Variants in TSPAN13 observed in about 807,000 individuals in gnomAD.
TSPAN13 encodes tetraspanin-13.
Under a neutral mutation model 26.9 loss-of-function variants are expected in TSPAN13, and 18 were observed. The ratio of observed to expected loss-of-function variants is 0.67; its 90% confidence interval spans 0.46 to 0.99. The LOEUF is 0.99. TSPAN13 is among the 50% of genes least tolerant of loss of function. TSPAN13 has a pLI of 0.00. For synonymous variants in TSPAN13, 116 were observed against 98.4 expected (o/e 1.18, Z -1.06); for missense variants, 201 against 249.6 (o/e 0.81, Z 1.31).
In TSPAN13 at chr7:16,753,841, C is replaced by A. The variant is rs1314587393; in HGVS notation, c.-127C>A. 1 of 1,011,054 alleles carries A rather than the reference C, an allele frequency of 9.9e-7. No homozygotes were observed. Among genetic ancestry groups the A allele is most frequent in the Non-Finnish European group, 1.5e-6 (1 of 665,156 alleles). The allele number at this position is 1,011,054 out of a possible 1,614,324, so 62.6% of individuals were successfully genotyped here. A position where few individuals can be genotyped will look rare whatever the true frequency, so the allele number is the denominator to read the frequency against. On this transcript the variant is annotated 5_prime_UTR_variant, in exon 1 of 6. Coordinates refer to ENST00000262067, the MANE Select transcript of TSPAN13 (RefSeq NM_014399.4). ...CGCGCACTGCAGCCCCAGGCCCCGGCCCCCCACCCACGTCTGCGTTGCTGC... is the reference window on the plus strand; with the variant it reads ...CGCGCACTGCAGCCCCAGGCCCCGGACCCCCACCCACGTCTGCGTTGCTGC...
At chr7:16,763,786 A>T (rs1784575505) in intron 1 of TSPAN13, among the ~76,000 whole-genome samples, 1 of 152,206 alleles carries the variant, frequency 6.6e-6, no homozygotes, top group Non-Finnish European at 1.5e-5. Context: ...CAGAGGGGCC[A>T]GTCATTAAGG....
At chr7:16,761,890 CCTT>C (rs572380698) in intron 1 of TSPAN13, among the ~76,000 whole-genome samples, 109 of 152,066 alleles carry the variant, frequency 7.2e-4, no homozygotes, top group Non-Finnish European at 1.3e-3. Context: ...TTGGTATAGT[CCTT>C]CTGTATCTTA....
chr7:16,768,215 G>A (rs1364448734), intron 1 of TSPAN13, among the ~76,000 whole-genome samples: 3 of 152,198 alleles, frequency 2.0e-5, no homozygotes, highest in Non-Finnish European at 4.4e-5. Flanking sequence ...CACCTGGCCT[G>A]TAGGCATTTT....
At chr7:16,759,740 G>A (rs1004797792) in intron 1 of TSPAN13, among the ~76,000 whole-genome samples, 5 of 142,020 alleles carry the variant, frequency 3.5e-5, no homozygotes, top group Admixed American at 2.3e-4. Flanking sequence ...GCTCTGTCAC[G>A]CAGTGGCGTG....
chr7:16,777,977 G>A (rs1317343495), intron 4 of TSPAN13, 66 bp downstream of exon 4: 1 of 1,151,372 alleles, frequency 8.7e-7, no homozygotes, highest in Non-Finnish European at 1.3e-6. Context: ...TAATGTGGAA[G>A]AAATGGACTT....
chr7:16,782,593 T>C (rs1388597634), intron 5 of TSPAN13, among the ~76,000 whole-genome samples: 2 of 152,216 alleles, frequency 1.3e-5, no homozygotes, highest in Non-Finnish European at 2.9e-5. Context: ...GCTAACAATT[T>C]AGCGAACTTG....
At chr7:16,769,610 A>ATT (rs1482375632) in intron 1 of TSPAN13, among the ~76,000 whole-genome samples, 1 of 151,940 alleles carries the variant, frequency 6.6e-6, no homozygotes, top group African/African-American at 2.4e-5. Flanking sequence ...CATGTTGTTG[A>ATT]TTTTTGTGTA....
At chr7:16,754,492 C>A (rs1214441388) in intron 1 of TSPAN13, among the ~76,000 whole-genome samples, 1 of 152,216 alleles carries the variant, frequency 6.6e-6, no homozygotes, top group Non-Finnish European at 1.5e-5. Context: ...GGCTGGTGTG[C>A]CTCTGGGTTA....
chr7:16,776,250 A>G lies in TSPAN13; in HGVS notation c.103A>G (p.Ile35Val), dbSNP rs778660384. The change falls in exon 2 of 6, where the codon ATT (isoleucine) becomes GTT (valine). Residue 35 changes from isoleucine to valine, a missense_variant. By Grantham distance (29) the Ile-to-Val change is conservative. Coordinates refer to ENST00000262067, the MANE Select transcript of TSPAN13 (RefSeq NM_014399.4). ...LLLIGIAAWG[I>V]GFGLISSLRV... The stretch of plus-strand genomic sequence containing the variant: ...GCTAATTGGAATTGCTGCGTGGGGC[A>G]TTGGCTTCGGGCTGATTTCCAGTCT... 3 of 1,613,474 alleles carry G rather than the reference A, an allele frequency of 1.9e-6. No individual in the cohort carries two copies. Among genetic ancestry groups the G allele is most frequent in the Non-Finnish European group, 2.5e-6 (3 of 1,179,838 alleles).
intron 1 of TSPAN13, among the ~76,000 whole-genome samples, chr7:16,769,104 G>A (rs547859394): frequency 2.6e-5 from 4 of 152,128 alleles, no homozygotes; most frequent in South Asian, 2.1e-4. Flanking sequence ...AGGATTACAC[G>A]CATGAGCCAC....
chr7:16,755,967 G>T lies in TSPAN13; in HGVS notation c.63+1937G>T, dbSNP rs185849569. Among the ~76,000 whole-genome samples, 414 of 152,208 alleles carry T rather than the reference G, an allele frequency of 2.7e-3. 2 individuals are homozygous for T. The highest frequency in any genetic ancestry group is 4.4e-3 in the Non-Finnish European group (296 of 68,022). On this transcript the variant is annotated intron_variant, in intron 1 of 5. Transcript: ENST00000262067. ...AAAACTTAATGAATTGGAAATTCAC[G>T]GGACAATAAAAATGGCTAGCCCTTT... is the stretch of plus-strand genomic sequence containing the variant.
intron 1 of TSPAN13, among the ~76,000 whole-genome samples, chr7:16,754,611 T>G (rs544082147): frequency 1.1e-4 from 16 of 152,310 alleles, no homozygotes; most frequent in Middle Eastern, 3.4e-3. Context: ...TCTTTTTGTT[T>G]TTGTTGTTGT....
intron 4 of TSPAN13, among the ~76,000 whole-genome samples, chr7:16,778,418 C>T (rs1346847535): frequency 6.6e-6 from 1 of 152,248 alleles, no homozygotes; most frequent in African/African-American, 2.4e-5. Context: ...CATTTATTAT[C>T]TCACAGTTTC....
chr7:16,759,116 G>C (rs1469746633), intron 1 of TSPAN13, among the ~76,000 whole-genome samples: 5 of 152,176 alleles, frequency 3.3e-5, no homozygotes, highest in African/African-American at 1.2e-4. Flanking sequence ...TGGGGCAGTG[G>C]AGCGGATGTG....
intron 5 of TSPAN13, among the ~76,000 whole-genome samples, chr7:16,782,723 A>C (rs769379557): frequency 1.3e-5 from 2 of 152,174 alleles, no homozygotes; most frequent in Non-Finnish European, 2.9e-5. Context: ...CTGTTACTTA[A>C]ATTTTACTGA....
rs561850660 is a variant in TSPAN13, at chr7:16,753,846, C to G, written c.-122C>G. The G allele has an allele frequency of 5.5e-4, 589 of 1,066,604 alleles. 3 individuals carry two copies. The East Asian group carries it at 0.011, about 20-fold the overall frequency. 66.1% of individuals were successfully genotyped at this position (1,066,604 alleles called of 1,614,324 possible). A position where few individuals can be genotyped will look rare whatever the true frequency, so the allele number is the denominator to read the frequency against. On this transcript the variant is annotated 5_prime_UTR_variant, in exon 1 of 6. Transcript: ENST00000262067. ...ACTGCAGCCCCAGGCCCCGGCCCCC[C>G]ACCCACGTCTGCGTTGCTGCCCCGC...
intron 1 of TSPAN13, among the ~76,000 whole-genome samples, chr7:16,769,606 G>A (rs1257945626): frequency 1.3e-5 from 2 of 152,068 alleles, no homozygotes; most frequent in African/African-American, 4.8e-5. Context: ...TCAGCATGTT[G>A]TTGATTTTTG....
chr7:16,781,273 C>T (rs762056325), intron 5 of TSPAN13, among the ~76,000 whole-genome samples: 22 of 152,194 alleles, frequency 1.4e-4, no homozygotes, highest in Admixed American at 3.9e-4. Flanking sequence ...TCCTTCTGCC[C>T]GTTCTATATT....
chr7:16,781,186 A>G (rs1784810050), intron 5 of TSPAN13, among the ~76,000 whole-genome samples: 1 of 152,236 alleles, frequency 6.6e-6, no homozygotes, highest in African/African-American at 2.4e-5. Context: ...AAACTACAAA[A>G]AATTATGAAG....
Sources: allele counts gnomAD v4.1 joint callset (sites outside exome capture counted in the v4.1 genomes callset), GRCh38; gene constraint gnomAD v4.1.1; transcripts MANE v1.5; gene names NCBI Gene and HGNC (gene_info 2026-07-23, HGNC 2026-07-21).